Variants in TMTC2 observed in about 807,000 individuals in gnomAD.
TMTC2 encodes protein O-mannosyl-transferase TMTC2.
Under a neutral mutation model 82.4 loss-of-function variants are expected in TMTC2, and 43 were observed. The ratio of observed to expected loss-of-function variants is 0.52; its 90% CI spans 0.41 to 0.67. The LOEUF is 0.67. TMTC2 is among the 30% of genes least tolerant of loss of function. The probability of loss-of-function intolerance (pLI) is 0.00; values close to 1 mark genes in which losing one functional copy is unlikely to be tolerated. For synonymous variants in TMTC2, 408 were observed against 381.9 expected, an observed-to-expected ratio of 1.07 and a Z score of -0.80; for missense variants, 919 against 1,012.4, an observed-to-expected ratio of 0.91 and a Z score of 1.25.
chr12:82,869,078 A>G (rs751749548), intron 2 of TMTC2, among the ~76,000 whole-genome samples: 5 of 152,148 alleles, frequency 3.3e-5, no homozygotes, highest in Non-Finnish European at 5.9e-5. Flanking sequence ...ATTTCAGAAA[A>G]TTCAATACAT....
At chr12:82,697,892 T>C (rs749900250) in intron 1 of TMTC2, among the ~76,000 whole-genome samples, 8 of 152,190 alleles carry the variant, frequency 5.3e-5, no homozygotes, top group Non-Finnish European at 1.2e-4. Flanking sequence ...TTGGTTTGCA[T>C]TGCATGAAGA....
At chr12:82,815,309 A>T (rs4882529) in intron 1 of TMTC2, among the ~76,000 whole-genome samples, 7,525 of 146,892 alleles carry the variant, frequency 0.051, 302 homozygotes, top group East Asian at 0.16. Flanking sequence ...TAATTAATTA[A>T]TTATTTATTT....
At chr12:82,850,328 C>T (rs896332709) in intron 1 of TMTC2, among the ~76,000 whole-genome samples, 2 of 152,120 alleles carry the variant, frequency 1.3e-5, no homozygotes, top group Admixed American at 6.5e-5. Flanking sequence ...TTCGCAAAAG[C>T]AGCACATGTA....
intron 3 of TMTC2, among the ~76,000 whole-genome samples, chr12:82,925,517 G>GT (rs564128796): frequency 3.0e-4 from 45 of 152,144 alleles, no homozygotes; most frequent in African/African-American, 1.1e-3. Flanking sequence ...TATTGCATAT[G>GT]TTTTTTTAAC....
chr12:83,080,877 T>C (rs1381197247), intron 11 of TMTC2, among the ~76,000 whole-genome samples: 1 of 152,132 alleles, frequency 6.6e-6, no homozygotes, highest in Admixed American at 6.5e-5. Context: ...CCCCACCACA[T>C]GGTCTATGGA....
At chr12:82,830,096 A>G (rs1160571853) in intron 1 of TMTC2, among the ~76,000 whole-genome samples, 1 of 152,176 alleles carries the variant, frequency 6.6e-6, no homozygotes, top group East Asian at 1.9e-4. Flanking sequence ...GAATTACAAG[A>G]TGAGATTTGC....
At chr12:82,875,471 T>G (rs878922501) in intron 2 of TMTC2, among the ~76,000 whole-genome samples, 1 of 152,162 alleles carries the variant, frequency 6.6e-6, no homozygotes, top group East Asian at 1.9e-4. Context: ...TACTCATTTT[T>G]CCTACTCCAT....
chr12:82,832,148 T>C (rs534431981), intron 1 of TMTC2, among the ~76,000 whole-genome samples: 1 of 152,290 alleles, frequency 6.6e-6, no homozygotes, highest in African/African-American at 2.4e-5. Flanking sequence ...ACCATTTCTT[T>C]TCACGGACTC....
intron 11 of TMTC2, among the ~76,000 whole-genome samples, chr12:83,064,771 A>G (rs907970449): frequency 2.0e-5 from 3 of 151,982 alleles, no homozygotes; most frequent in Admixed American, 6.6e-5. Context: ...TTTATTAGCA[A>G]TGACACATCT....
intron 8 of TMTC2, among the ~76,000 whole-genome samples, chr12:83,015,607 G>C (rs563293126): frequency 6.6e-6 from 1 of 152,228 alleles, no homozygotes; most frequent in East Asian, 1.9e-4. Flanking sequence ...TCTATATAGA[G>C]GCAAAGAAGT....
chr12:82,899,309 G>T lies in TMTC2; in HGVS notation c.1483+2663G>T, dbSNP rs555606696. On this transcript the variant is annotated intron_variant, in intron 3 of 11. Transcript: ENST00000321196. ...TGATGGAATCTCCATTTCCCCAGCAGCTCTGGCCGAGAATTCTGAAGTCAT... is the reference window on the plus strand; with the variant it reads ...TGATGGAATCTCCATTTCCCCAGCATCTCTGGCCGAGAATTCTGAAGTCAT... Among the ~76,000 whole-genome samples, 4 of 151,954 alleles carry T rather than the reference G, an allele frequency of 2.6e-5. No homozygotes were observed. In the South Asian group the frequency reaches 8.3e-4, roughly 32 times the overall value.
At chr12:82,895,421 A>G (rs1049991660) in intron 2 of TMTC2, among the ~76,000 whole-genome samples, 7 of 152,278 alleles carry the variant, frequency 4.6e-5, no homozygotes, top group Non-Finnish European at 8.8e-5. Flanking sequence ...GAAAGACAAC[A>G]GTTATTAGGT....
intron 1 of TMTC2, among the ~76,000 whole-genome samples, chr12:82,809,025 A>G (rs1364423761): frequency 6.7e-6 from 1 of 150,340 alleles, no homozygotes; most frequent in Non-Finnish European, 1.5e-5. Flanking sequence ...GAAAGAAGCT[A>G]TCTTAATTGA....
intron 1 of TMTC2, among the ~76,000 whole-genome samples, chr12:82,795,473 A>G (rs1296808967): frequency 6.6e-6 from 1 of 152,070 alleles, no homozygotes; most frequent in Non-Finnish European, 1.5e-5. Flanking sequence ...GGTTTGCCTT[A>G]AAAGAACATT....
chr12:82,998,378 A>C (rs932362066), intron 8 of TMTC2, among the ~76,000 whole-genome samples: 6 of 152,208 alleles, frequency 3.9e-5, no homozygotes, highest in Admixed American at 2.0e-4. Context: ...TCCAAAAGAA[A>C]AGAGTTGAAC....
intron 1 of TMTC2, among the ~76,000 whole-genome samples, chr12:82,775,635 A>G (rs1877553976): frequency 6.6e-6 from 1 of 152,164 alleles, no homozygotes; most frequent in Non-Finnish European, 1.5e-5. Context: ...AATAATGGTC[A>G]CTGAAATTTT....
At chr12:83,075,462 C>T (rs1161567528) in intron 11 of TMTC2, among the ~76,000 whole-genome samples, 1 of 151,890 alleles carries the variant, frequency 6.6e-6, no homozygotes, top group Non-Finnish European at 1.5e-5. Flanking sequence ...CAGACACACC[C>T]CTCCCCCCAA....
chr12:82,804,713 G>A (rs1012711039), intron 1 of TMTC2, among the ~76,000 whole-genome samples: 4 of 152,114 alleles, frequency 2.6e-5, no homozygotes, highest in African/African-American at 9.7e-5. Flanking sequence ...ATTGAATAGT[G>A]CAGTGAGGCT....
At position 82,957,483 on chromosome 12, in the gene TMTC2, G is replaced by A. The variant is rs552512540; in HGVS notation, c.1599-7541G>A. Among the ~76,000 whole-genome samples the A allele has an allele frequency of 1.2e-3, 178 of 152,168 alleles. 2 individuals are homozygous for A. The highest frequency in any genetic ancestry group is 2.3e-3 in the Non-Finnish European group (154 of 67,984). On this transcript the variant is annotated intron_variant, in intron 4 of 11. Coordinates refer to ENST00000321196, the MANE Select transcript of TMTC2 (RefSeq NM_152588.3). ...TCAAACCTAAACTAGAAAAACATGA[G>A]CAAGCTAACTGCAAAGGCAGAAGAA...
Sources: allele counts gnomAD v4.1 joint callset (sites outside exome capture counted in the v4.1 genomes callset), GRCh38; gene constraint gnomAD v4.1.1; transcripts MANE v1.5; gene names NCBI Gene and HGNC (gene_info 2026-07-23, HGNC 2026-07-21).